The following KIAA0825 variants were observed in gnomAD, a reference collection of about 807,000 sequenced individuals.
KIAA0825 encodes the protein KIAA0825.
KIAA0825 carries 119 observed loss-of-function variants against 147.6 expected under a neutral mutation model. The ratio of observed to expected loss-of-function variants is 0.81; its 90% CI spans 0.69 to 0.94. KIAA0825 has a LOEUF of 0.94. Among genes scored for constraint, KIAA0825 ranks in the 40% least tolerant of loss-of-function variants. The pLI is 0.00. For missense variants in KIAA0825, 1,381 were observed against 1,472.7 expected, an observed-to-expected ratio of 0.94 and a Z score of 1.02; for synonymous variants, 470 against 518.1, an observed-to-expected ratio of 0.91 and a Z score of 1.26.
chr5:94,214,071 G>C (rs1225188833), intron 20 of KIAA0825, among the ~76,000 whole-genome samples: 1 of 152,004 alleles, frequency 6.6e-6, no homozygotes, highest in Non-Finnish European at 1.5e-5. Flanking sequence ...TGGCCAGCTG[G>C]TCTCAAACTC....
intron 20 of KIAA0825, among the ~76,000 whole-genome samples, chr5:94,154,696 A>G (rs1227974499): frequency 1.3e-5 from 2 of 152,250 alleles, no homozygotes; most frequent in Non-Finnish European, 2.9e-5. Flanking sequence ...TACTAAAAAA[A>G]GAGATTAAAG....
At chr5:94,437,443 A>C (rs1199241309) in intron 14 of KIAA0825, among the ~76,000 whole-genome samples, 1 of 152,198 alleles carries the variant, frequency 6.6e-6, no homozygotes, top group Non-Finnish European at 1.5e-5. Context: ...CCTTTGTTTA[A>C]AATGATGGGT....
At chr5:94,325,783 A>T (rs532002677) in intron 20 of KIAA0825, among the ~76,000 whole-genome samples, 1 of 152,146 alleles carries the variant, frequency 6.6e-6, no homozygotes, top group East Asian at 1.9e-4. Flanking sequence ...ACAGATATAC[A>T]GCAGGTTACT....
At chr5:94,291,463 T>C (rs905025465) in intron 20 of KIAA0825, among the ~76,000 whole-genome samples, 9 of 152,198 alleles carry the variant, frequency 5.9e-5, no homozygotes, top group Non-Finnish European at 2.9e-5. Flanking sequence ...TTCTGTTCCA[T>C]TGCTCTATAT....
At chr5:94,288,617 A>AG (rs1284172626) in intron 20 of KIAA0825, among the ~76,000 whole-genome samples, 1 of 152,022 alleles carries the variant, frequency 6.6e-6, no homozygotes, top group Non-Finnish European at 1.5e-5. Flanking sequence ...ATGCTTTCCT[A>AG]TTTTTCTTTT....
chr5:94,372,904 T>C (rs1021907024), intron 20 of KIAA0825, among the ~76,000 whole-genome samples: 3 of 152,220 alleles, frequency 2.0e-5, no homozygotes, highest in Admixed American at 6.5e-5. Flanking sequence ...AAATTTCTTC[T>C]GCCAGATACC....
intron 1 of KIAA0825, among the ~76,000 whole-genome samples, chr5:94,606,950 A>C (rs1385559816): frequency 6.6e-6 from 1 of 152,132 alleles, no homozygotes; most frequent in Non-Finnish European, 1.5e-5. Context: ...TTAAACAACC[A>C]GCTCTCAAGT....
intron 20 of KIAA0825, among the ~76,000 whole-genome samples, chr5:94,320,111 G>A (rs1780020760): frequency 6.6e-6 from 1 of 151,876 alleles, no homozygotes; most frequent in Non-Finnish European, 1.5e-5. Context: ...TGTCTTCCCT[G>A]GTTTTCCCAC....
At chr5:94,532,696 AT>A (rs772203748) in intron 3 of KIAA0825, among the ~76,000 whole-genome samples, 7,497 of 135,054 alleles carry the variant, frequency 0.056, 232 homozygotes, top group African/African-American at 0.083. Context: ...GCCTGGGCTA[AT>A]TTTTTTTTTT....
At chr5:94,275,375 C>T (rs1777175962) in intron 20 of KIAA0825, among the ~76,000 whole-genome samples, 1 of 152,076 alleles carries the variant, frequency 6.6e-6, no homozygotes, top group African/African-American at 2.4e-5. Flanking sequence ...GATACAATCT[C>T]ATTAAAACAT....
At chr5:94,313,229 T>C (rs1779336562) in intron 20 of KIAA0825, among the ~76,000 whole-genome samples, 2 of 151,628 alleles carry the variant, frequency 1.3e-5, no homozygotes, top group South Asian at 4.1e-4. Context: ...TAAAGCAATA[T>C]GTGAGCAAGA....
At chr5:94,375,006 A>G (rs1747322255) in intron 20 of KIAA0825, among the ~76,000 whole-genome samples, 1 of 150,752 alleles carries the variant, frequency 6.6e-6, no homozygotes, top group African/African-American at 2.4e-5. Flanking sequence ...TGTTAAAAAT[A>G]GATTTTTCTT....
intron 20 of KIAA0825, among the ~76,000 whole-genome samples, chr5:94,273,137 T>G (rs1470887035): frequency 1.3e-5 from 2 of 152,214 alleles, no homozygotes; most frequent in African/African-American, 4.8e-5. Flanking sequence ...TTCTCTTTGC[T>G]CAGTTTCTGC....
Position 94,391,430 on chromosome 5 carries a change from AC to A in KIAA0825, c.3456+104del, listed in dbSNP as rs533930673. ...TAATGCAATATTGAGTTTGGTATTG[AC>A]TTTAAGAAGTATTATCACCTCCTTG... On this transcript the variant is annotated intron_variant, in intron 18 of 20. Transcript: ENST00000682413. 528 of 1,082,318 alleles carry A rather than the reference AC, an allele frequency of 4.9e-4. 3 individuals are homozygous for A. The African/African-American group carries it at 7.6e-3, about 16-fold the overall frequency. 67.0% of individuals were successfully genotyped at this position (1,082,318 alleles called of 1,614,324 possible).
chr5:94,433,621 T>G (rs1340015774), intron 14 of KIAA0825, among the ~76,000 whole-genome samples: 1 of 152,208 alleles, frequency 6.6e-6, no homozygotes, highest in Non-Finnish European at 1.5e-5. Flanking sequence ...ATTTACTAGT[T>G]GTGCAACTTG....
chr5:94,162,516 A>G (rs1767676335), intron 20 of KIAA0825, among the ~76,000 whole-genome samples: 1 of 152,068 alleles, frequency 6.6e-6, no homozygotes, highest in African/African-American at 2.4e-5. Flanking sequence ...TTTGTTGCCC[A>G]GGCTGGCCTC....
chr5:94,453,137 T>C (rs1758628428), intron 12 of KIAA0825, 68 bp from the exon 13 acceptor site: 1 of 817,014 alleles, frequency 1.2e-6, no homozygotes, highest in African/African-American at 1.9e-5. Flanking sequence ...GAAATAACTT[T>C]TGATTTTTAC....
At chr5:94,287,252 T>C (rs1004068502) in intron 20 of KIAA0825, among the ~76,000 whole-genome samples, 32 of 152,330 alleles carry the variant, frequency 2.1e-4, no homozygotes, top group African/African-American at 7.5e-4. Flanking sequence ...TGATAGCTGA[T>C]GACTTGTAGC....
chr5:94,565,009 CCT>C lies in KIAA0825; in HGVS notation c.-2+17422_-2+17423del, dbSNP rs147820367. Among the ~76,000 whole-genome samples the C allele has an allele frequency of 5.9e-3, 682 of 116,542 alleles. 2 individuals are homozygous for C. Among genetic ancestry groups the C allele is most frequent in the East Asian group, 9.9e-3 (43 of 4,358 alleles). 76.5% of individuals were successfully genotyped at this position (116,542 alleles called of 152,430 possible). A position where few individuals can be genotyped will look rare whatever the true frequency, so the allele number is the denominator to read the frequency against. The stretch of plus-strand genomic sequence containing the variant: ...TTCTCTTCTCCTCTCTCTCTCTCTC[CCT>C]CTCTCTCTCTCTCTCTCTTTCTTTC... On this transcript the variant is annotated intron_variant, in intron 2 of 20. Transcript: ENST00000682413.
Sources: gnomAD v4.1 joint callset for allele counts (sites outside exome capture counted in the v4.1 genomes callset) on GRCh38, gnomAD v4.1.1 for gene constraint, MANE v1.5 for transcripts, NCBI Gene and HGNC (gene_info 2026-07-23, HGNC 2026-07-21) for gene names.